The following HAVCR2 variants were observed in gnomAD, a reference collection of about 807,000 sequenced individuals.
HAVCR2 encodes the protein T cell immunoglobulin mucin 3.
A neutral mutation model predicts 24.7 loss-of-function variants in HAVCR2; 13 were observed. The observed-to-expected ratio is 0.53, with a 90% confidence interval of 0.34 to 0.84. HAVCR2 has a LOEUF of 0.84. Among genes scored for constraint, HAVCR2 ranks in the 40% least tolerant of loss-of-function variants. The pLI is 0.01. For synonymous variants in HAVCR2, 154 were observed against 143.4 expected, an observed-to-expected ratio of 1.07 and a Z score of -0.53; for missense variants, 343 against 371.2, an observed-to-expected ratio of 0.92 and a Z score of 0.62.
At position 157,106,846 on chromosome 5, in the gene HAVCR2, G is replaced by A; in HGVS notation, c.175C>T (p.Pro59Ser). 1.2e-6 allele frequency: 2 copies of A among 1,614,182 alleles called. No individual in the cohort carries two copies. Among genetic ancestry groups the A allele is most frequent in the Non-Finnish European group, 1.7e-6 (2 of 1,180,030 alleles). ...ACCACGTTGCCACATTCAAACACAGGACAGGCTCCTTTGCCCCAGCAGACG... is the reference window on the plus strand; with the variant it reads ...ACCACGTTGCCACATTCAAACACAGAACAGGCTCCTTTGCCCCAGCAGACG... ...VPVCWGKGAC[P>S]VFECGNVVLR... The change falls in exon 2 of 7, where the codon CCT (proline) becomes TCT (serine). Residue 59 changes from proline to serine, a missense_variant. Physicochemically the swap from Pro to Ser is moderately conservative, Grantham distance 74. Coordinates refer to ENST00000307851, the MANE Select transcript of HAVCR2 (RefSeq NM_032782.5).
At chr5:157,100,229 T>C (rs1757149675) in intron 3 of HAVCR2, among the ~76,000 whole-genome samples, 1 of 152,160 alleles carries the variant, frequency 6.6e-6, no homozygotes. Flanking sequence ...AACTGAAAAT[T>C]AGGGAAGTGA....
At chr5:157,098,969 T>C (rs2113690801) in intron 3 of HAVCR2, 68 bp from the exon 4 acceptor site, 1 of 1,440,566 alleles carries the variant, frequency 6.9e-7, no homozygotes, top group African/African-American at 1.4e-5. Context: ...ACGTTTTCTT[T>C]TATCTAAGTT....
At position 157,087,163 on chromosome 5, in the gene HAVCR2, C is replaced by G. The variant is rs576858926; in HGVS notation, c.845G>C (p.Cys282Ser). 1.9e-6 allele frequency: 3 copies of G among 1,614,106 alleles called. No homozygotes were observed. Among genetic ancestry groups the G allele is most frequent in the Middle Eastern group, 1.6e-4 (1 of 6,062 alleles). Residue 282 changes from cysteine to serine, a missense_variant, in exon 7 of 7, where the codon TGC (cysteine) becomes TCC (serine). Transcript: ENST00000307851. ...GGGTTGCTGCCTGCTGCTGACATAG[C>G]AATAATACTCATTGGGCTCCTCCAC... is the stretch of plus-strand genomic sequence containing the variant. ...YEVEEPNEYY[C>S]YVSSRQQPSQ...
rs1490736662 is a variant in HAVCR2, at chr5:157,099,027, A to G, written c.479-126T>C. The G allele has an allele frequency of 6.2e-6, 5 of 805,288 alleles. No homozygotes were observed. In the East Asian group the frequency reaches 1.1e-4, roughly 18 times the overall value. The allele number at this position is 805,288 out of a possible 1,614,324, so 49.9% of individuals were successfully genotyped here. ...TATAATCCTATTTGAAATGAATTCT[A>G]CTCCGTACTTGTCACAATAATTAAT... is the stretch of plus-strand genomic sequence containing the variant. On this transcript the variant is annotated intron_variant, in intron 3 of 6. Transcript: ENST00000307851.
At chr5:157,087,930 C>A (rs569722453) in intron 6 of HAVCR2, among the ~76,000 whole-genome samples, 1 of 149,974 alleles carries the variant, frequency 6.7e-6, no homozygotes, top group South Asian at 2.1e-4. Context: ...ATTATTAATG[C>A]TTTAGATAGC....
intron 5 of HAVCR2, among the ~76,000 whole-genome samples, chr5:157,093,044 C>T (rs1040379141): frequency 6.7e-6 from 1 of 149,192 alleles, no homozygotes; most frequent in Non-Finnish European, 1.5e-5. Context: ...GTCCAGCTCC[C>T]AGGTGACAGA....
At chr5:157,087,615 C>T (rs34632794) in intron 6 of HAVCR2, among the ~76,000 whole-genome samples, 6,130 of 151,910 alleles carry the variant, frequency 0.04, 306 homozygotes, top group African/African-American at 0.12. Context: ...TTTAGATTTT[C>T]AAAAAATGGG....
intron 4 of HAVCR2, among the ~76,000 whole-genome samples, chr5:157,098,181 T>A (rs537838408): frequency 1.3e-5 from 2 of 151,814 alleles, no homozygotes; most frequent in African/African-American, 4.8e-5. Context: ...CCGAGGCAGG[T>A]GGATCACCTG....
intron 1 of HAVCR2, 87 bp downstream of exon 1, chr5:157,108,839 C>A (rs1232419232): frequency 1.5e-6 from 2 of 1,314,736 alleles, no homozygotes; most frequent in Non-Finnish European, 2.1e-6. Context: ...CTATTACAAA[C>A]AACATTACAA....
chr5:157,087,076 C>T lies in HAVCR2; in HGVS notation c.*26G>A, dbSNP rs548471119. On this transcript the variant is annotated 3_prime_UTR_variant, in exon 7 of 7. Transcript: ENST00000307851. ...ATAGTTTCTGAAAAAGACAAAACAC[C>T]AAGCTCAAAAATAAGGTGGTTGGAT... The T allele has an allele frequency of 2.5e-6, 4 of 1,605,680 alleles. No homozygotes were observed. The highest frequency in any genetic ancestry group is 4.5e-5 in the East Asian group (2 of 44,750).
intron 5 of HAVCR2, among the ~76,000 whole-genome samples, chr5:157,093,645 A>G (rs1304356387): frequency 6.6e-6 from 1 of 152,130 alleles, no homozygotes; most frequent in South Asian, 2.1e-4. Context: ...AAATAGACAC[A>G]ATTATAAAAG....
At chr5:157,087,473 G>A (rs1233133074) in intron 6 of HAVCR2, among the ~76,000 whole-genome samples, 179 bp from the exon 7 acceptor site, 1 of 151,912 alleles carries the variant, frequency 6.6e-6, no homozygotes, top group Non-Finnish European at 1.5e-5. Context: ...AAACAATTGA[G>A]AAAATGTCCA....
rs552516509 is a variant in HAVCR2, at chr5:157,099,884, C to T, written c.479-983G>A. ...CTAATTTTTGTATTTTTAGTAGAGA[C>T]GGGGTTTCGCCATGTTGGCCAGGCT... is the stretch of plus-strand genomic sequence containing the variant. On this transcript the variant is annotated intron_variant, in intron 3 of 6. Coordinates refer to ENST00000307851, the MANE Select transcript of HAVCR2 (RefSeq NM_032782.5). 1.6e-4 allele frequency among the ~76,000 whole-genome samples: 25 copies of T among 152,154 alleles called. No individual in the cohort carries two copies. The South Asian group carries it at 2.7e-3, about 16-fold the overall frequency.
In HAVCR2 at chr5:157,095,422, C is replaced by G. The variant is rs1757082455; in HGVS notation, c.560G>C (p.Arg187Thr). 6.2e-7 allele frequency: 1 copy of G among 1,613,844 alleles called. No homozygotes were observed. The highest frequency in any genetic ancestry group is 8.5e-7 in the Non-Finnish European group (1 of 1,179,896). The stretch of plus-strand genomic sequence containing the variant: ...AGAGTCCCGTAAGTCATTGGCCAAT[C>G]TAGAGTCCCGTAACTCATTGGCCAA... The part of the protein sequence containing the change: ...STLANELRDS[R>T]LANDLRDSGA... Residue 187 changes from arginine to threonine, a missense_variant, in exon 5 of 7, where the codon AGA (arginine) becomes ACA (threonine). Transcript: ENST00000307851.
chr5:157,102,230 C>T (rs1229526081), intron 3 of HAVCR2, among the ~76,000 whole-genome samples: 2 of 152,136 alleles, frequency 1.3e-5, no homozygotes, highest in South Asian at 2.1e-4. Context: ...AGCCACTGCA[C>T]TCAGCCTAAT....
At chr5:157,101,941 ATTT>A (rs869260432) in intron 3 of HAVCR2, among the ~76,000 whole-genome samples, 1 of 83,064 alleles carries the variant, frequency 1.2e-5, no homozygotes, top group Non-Finnish European at 2.3e-5. Context: ...ATGCCCGGCT[ATTT>A]TTTTTTTTTT....
In HAVCR2 at chr5:157,087,019, G is replaced by A; in HGVS notation, c.*83C>T. On this transcript the variant is annotated 3_prime_UTR_variant, in exon 7 of 7. Coordinates refer to ENST00000307851, the MANE Select transcript of HAVCR2 (RefSeq NM_032782.5). ...AAACTCTGCTCCATAGCAGTGGACA[G>A]AACCTCCAAAACCAGTCAGGTGACA... is the stretch of plus-strand genomic sequence containing the variant. 2 of 1,256,910 alleles carry A rather than the reference G, an allele frequency of 1.6e-6. No homozygotes were observed. Among genetic ancestry groups the A allele is most frequent in the Non-Finnish European group, 2.3e-6 (2 of 878,980 alleles). 77.9% of individuals were successfully genotyped at this position (1,256,910 alleles called of 1,614,324 possible). A position where few individuals can be genotyped will look rare whatever the true frequency, so the allele number is the denominator to read the frequency against.
chr5:157,090,471 C>A (rs955156498), intron 5 of HAVCR2, among the ~76,000 whole-genome samples: 1 of 151,976 alleles, frequency 6.6e-6, no homozygotes, highest in African/African-American at 2.4e-5. Context: ...GGCACATGCC[C>A]GTGGTCCTAG....
intron 3 of HAVCR2, among the ~76,000 whole-genome samples, chr5:157,102,695 G>A (rs1757184658): frequency 6.6e-6 from 1 of 152,096 alleles, no homozygotes; most frequent in African/African-American, 2.4e-5. Flanking sequence ...AGCGCTTTGG[G>A]AGGCCGAGGC....
Sources: allele counts gnomAD v4.1 joint callset (sites outside exome capture counted in the v4.1 genomes callset), GRCh38; gene constraint gnomAD v4.1.1; transcripts MANE v1.5; gene names NCBI Gene and HGNC (gene_info 2026-07-23, HGNC 2026-07-21).